Variants in TBL1X observed in about 807,000 individuals in gnomAD.
TBL1X encodes the protein transducin beta like 1 X-linked, also known as F-box-like/WD repeat-containing protein TBL1X.
TBL1X carries 10 observed loss-of-function variants against 50.7 expected under a neutral mutation model. The ratio of observed to expected loss-of-function variants is 0.20; its 90% confidence interval spans 0.12 to 0.33. The LOEUF (loss-of-function observed/expected upper bound fraction) is 0.33. Among genes scored for constraint, TBL1X ranks in the 10% least tolerant of loss-of-function variants. The pLI, the probability that TBL1X is intolerant of heterozygous loss-of-function variation, is 1.00. For synonymous variants in TBL1X, 190 were observed against 214.7 expected (o/e 0.88, Z 1.01); for missense variants, 340 against 504.4 (o/e 0.67, Z 3.12).
chrX:9,691,813 T>A, intron 8 of TBL1X, 102 bp downstream of exon 8: 1 of 1,076,053 alleles, frequency 9.3e-7, no homozygotes, highest in Non-Finnish European at 1.3e-6. Context: ...CACACTCCCC[T>A]TCTTACCCCG....
At chrX:9,602,274 T>A (rs1170285386) in intron 2 of TBL1X, among the ~76,000 whole-genome samples, 1 of 111,388 alleles carries the variant, frequency 9.0e-6, no homozygotes, top group Admixed American at 9.5e-5. Context: ...GATATCAAGG[T>A]TATAAAATGT....
intron 13 of TBL1X, among the ~76,000 whole-genome samples, chrX:9,705,699 C>T (rs1275389759): frequency 4.7e-5 from 4 of 85,233 alleles, no homozygotes; most frequent in Non-Finnish European, 8.8e-5. Flanking sequence ...CCAGCCTAGG[C>T]AACAGAGCAA....
chrX:9,532,760 C>T (rs1407501403), intron 2 of TBL1X, among the ~76,000 whole-genome samples: 1 of 111,274 alleles, frequency 9.0e-6, no homozygotes, highest in Non-Finnish European at 1.9e-5. Context: ...GTGTCTGTGT[C>T]CCCTCATCTC....
In TBL1X at chrX:9,713,421, CTTTTCTTT is replaced by C. The variant is rs1158894478; in HGVS notation, c.1606-1476_1606-1469del. ...TTATAAATCAAAGAAATCCTTAGGA[CTTTTCTTT>C]TTTTTTTTTTTTTTTGGATCGGAGT... On this transcript the variant is annotated intron_variant, in intron 16 of 17. Coordinates refer to ENST00000645353, the MANE Select transcript of TBL1X (RefSeq NM_005647.4). Among the ~76,000 whole-genome samples the C allele has an allele frequency of 2.2e-3, 193 of 87,571 alleles. 2 individuals are homozygous for C. Among genetic ancestry groups the C allele is most frequent in the African/African-American group, 8.8e-3 (190 of 21,573 alleles). 76.0% of individuals were successfully genotyped at this position (87,571 alleles called of 115,157 possible).
At position 9,711,701 on chromosome X, in the gene TBL1X, C is replaced by T. The variant is rs139999402; in HGVS notation, c.1530C>T (p.Ser510=). ...CGAAGCATCAGGAGCCTGTCTATAG[C>T]GTAGCTTTCAGCCCTGATGGGAAGT... The part of the protein sequence containing the change: ...TLTKHQEPVY[S]VAFSPDGKYL... Residue 510 remains serine, a synonymous_variant, in exon 16 of 18, where the codon AGC becomes AGT. Coordinates refer to ENST00000645353, the MANE Select transcript of TBL1X (RefSeq NM_005647.4). 13 of 1,208,332 alleles carry T rather than the reference C, an allele frequency of 1.1e-5. No homozygotes were observed. Among genetic ancestry groups the T allele is most frequent in the African/African-American group, 8.7e-5 (5 of 57,300 alleles).
chrX:9,622,203 C>CCATTGTAAGCATACAGTTCAGTGG (rs1356325439), intron 2 of TBL1X, among the ~76,000 whole-genome samples: 3 of 110,332 alleles, frequency 2.7e-5, no homozygotes, highest in African/African-American at 9.9e-5. Flanking sequence ...ATTACATTTA[C>CCATTGTAAGCATACAGTTCAGTGG]CATTGTAAGC....
chrX:9,534,705 C>T (rs1405552602), intron 2 of TBL1X, among the ~76,000 whole-genome samples: 2 of 111,165 alleles, frequency 1.8e-5, no homozygotes, highest in Non-Finnish European at 3.8e-5. Flanking sequence ...TTGGTACCTC[C>T]CTTAATAGGA....
At chrX:9,701,082 T>C (rs984990358) in intron 12 of TBL1X, among the ~76,000 whole-genome samples, 4 of 110,636 alleles carry the variant, frequency 3.6e-5, no homozygotes, top group Admixed American at 1.9e-4. Context: ...GTTGCAGCGA[T>C]ACACATCTAC....
chrX:9,543,879 C>A (rs1298343303), intron 2 of TBL1X, among the ~76,000 whole-genome samples: 1 of 111,663 alleles, frequency 9.0e-6, no homozygotes, highest in African/African-American at 3.3e-5. Flanking sequence ...AGGCCACCAC[C>A]CTTGAGTGAC....
intron 2 of TBL1X, among the ~76,000 whole-genome samples, chrX:9,535,541 T>G (rs757261288): frequency 2.2e-4 from 25 of 112,560 alleles, no homozygotes; most frequent in Non-Finnish European, 3.8e-5. Flanking sequence ...CCCCCTGATG[T>G]GAGAGTCAGC....
intron 1 of TBL1X, among the ~76,000 whole-genome samples, chrX:9,477,301 C>T (rs1322997553): frequency 8.9e-6 from 1 of 112,173 alleles, no homozygotes; most frequent in South Asian, 3.7e-4. Context: ...AGTAAATGTT[C>T]AACCTTCTCT....
intron 2 of TBL1X, among the ~76,000 whole-genome samples, chrX:9,604,886 G>T (rs1315738895): frequency 9.0e-6 from 1 of 111,010 alleles, no homozygotes; most frequent in African/African-American, 3.3e-5. Context: ...GGCCTTTCCC[G>T]TGGAGTCTTG....
At chrX:9,491,327 TATATA>T (rs1569205497) in intron 1 of TBL1X, among the ~76,000 whole-genome samples, 19 of 30,177 alleles carry the variant, frequency 6.3e-4, no homozygotes, top group African/African-American at 2.0e-3. Flanking sequence ...TATATATATA[TATATA>T]TATATATTTT....
intron 1 of TBL1X, among the ~76,000 whole-genome samples, chrX:9,466,364 G>T (rs1200697497): frequency 1.8e-5 from 2 of 112,502 alleles, no homozygotes; most frequent in Non-Finnish European, 3.8e-5. Flanking sequence ...TGGACTTCAC[G>T]TGCGTCGCCT....
At chrX:9,618,996 T>A (rs1333319012) in intron 2 of TBL1X, among the ~76,000 whole-genome samples, 1 of 111,468 alleles carries the variant, frequency 9.0e-6, no homozygotes, top group African/African-American at 3.3e-5. Flanking sequence ...TGGTGTACGG[T>A]AGTGATTTTC....
At chrX:9,706,484 C>A (rs1474932510) in intron 13 of TBL1X, among the ~76,000 whole-genome samples, 1 of 110,668 alleles carries the variant, frequency 9.0e-6, no homozygotes, top group African/African-American at 3.3e-5. Context: ...ACCACACAAA[C>A]AGAACAGACC....
At chrX:9,576,139 T>C (rs1479133237) in intron 2 of TBL1X, among the ~76,000 whole-genome samples, 1 of 111,889 alleles carries the variant, frequency 8.9e-6, no homozygotes, top group African/African-American at 3.3e-5. Context: ...CCTCCCAAAG[T>C]GTAGCATGCC....
At position 9,716,453 on chromosome X, in the gene TBL1X, A is replaced by C. The variant is rs2083279173; in HGVS notation, c.*207A>C. On this transcript the variant is annotated 3_prime_UTR_variant, in exon 18 of 18. Coordinates refer to ENST00000645353, the MANE Select transcript of TBL1X (RefSeq NM_005647.4). ...AGGCAAGCAAAAACAGAAGCAAATC[A>C]TATCAAACGGGGATAGAATGGTTTC... The C allele has an allele frequency of 1.5e-5, 6 of 394,722 alleles. No homozygotes were observed. Among genetic ancestry groups the C allele is most frequent in the Non-Finnish European group, 2.6e-5 (6 of 227,904 alleles). 32.5% of individuals were successfully genotyped at this position (394,722 alleles called of 1,213,427 possible). A position where few individuals can be genotyped will look rare whatever the true frequency, so the allele number is the denominator to read the frequency against.
chrX:9,467,713 CCCCT>C (rs2081785544), intron 1 of TBL1X, among the ~76,000 whole-genome samples: 1 of 111,148 alleles, frequency 9.0e-6, no homozygotes, highest in Non-Finnish European at 1.9e-5. Flanking sequence ...CCGGTCTTGC[CCCCT>C]CCACTCCCGC....
Sources: allele counts gnomAD v4.1 joint callset (sites outside exome capture counted in the v4.1 genomes callset), GRCh38; gene constraint gnomAD v4.1.1; transcripts MANE v1.5; gene names NCBI Gene and HGNC (gene_info 2026-07-23, HGNC 2026-07-21).